Variants in ZNF280C observed in about 807,000 individuals in gnomAD.
ZNF280C encodes the protein zinc finger protein 280C.
ZNF280C carries 14 observed loss-of-function variants against 53.6 expected under a neutral mutation model. The observed-to-expected ratio is 0.26, with a 90% CI of 0.17 to 0.41. The LOEUF (loss-of-function observed/expected upper bound fraction) is 0.41. Among genes scored for constraint, ZNF280C ranks in the 10% least tolerant of loss-of-function variants. ZNF280C has a pLI of 1.00. For synonymous variants in ZNF280C, 203 were observed against 181.1 expected (o/e 1.12, Z -0.97); for missense variants, 416 against 547.1 (o/e 0.76, Z 2.39).
Position 130,239,587 on chromosome X carries a change from C to G in ZNF280C, c.488G>C (p.Arg163Thr). 8.6e-7 allele frequency: 1 copy of G among 1,158,420 alleles called. No individual in the cohort carries two copies. Among genetic ancestry groups the G allele is most frequent in the Non-Finnish European group, 1.2e-6 (1 of 852,585 alleles). Residue 163 changes from arginine to threonine, a missense_variant, in exon 6 of 19, where the codon AGA (arginine) becomes ACA (threonine). Physicochemically the swap from Arg to Thr is moderately conservative, Grantham distance 71. Transcript: ENST00000370978. ...GAAAGAGTGCTAAACCAAACCTTCT[C>G]TAAAAATTGCTGGTATGTCTTGGGA... ...PPSQDIPAIF[R>T]EGMKNTSYVL...
chrX:130,217,648 A>C (rs2032118739), intron 13 of ZNF280C, among the ~76,000 whole-genome samples: 1 of 112,512 alleles, frequency 8.9e-6, no homozygotes, highest in Non-Finnish European at 1.9e-5. Context: ...ACAAAAAGTT[A>C]AAATCATTAT....
chrX:130,239,119 A>C (rs1450387147), intron 6 of ZNF280C, among the ~76,000 whole-genome samples: 1 of 111,831 alleles, frequency 8.9e-6, no homozygotes, highest in African/African-American at 3.2e-5. Flanking sequence ...TCATTTTACA[A>C]TACTACTCTA....
intron 15 of ZNF280C, among the ~76,000 whole-genome samples, 168 bp downstream of exon 15, chrX:130,215,025 G>A (rs1428274518): frequency 8.9e-6 from 1 of 111,872 alleles, no homozygotes; most frequent in African/African-American, 3.2e-5. Context: ...GTAATTTTAT[G>A]AGTTACTATG....
At chrX:130,230,268 A>C (rs760543754) in intron 9 of ZNF280C, among the ~76,000 whole-genome samples, 1 of 111,598 alleles carries the variant, frequency 9.0e-6, no homozygotes, top group South Asian at 3.8e-4. Flanking sequence ...GTTTTCCCCT[A>C]AATTAAAATA....
At chrX:130,244,441 A>G (rs779316785) in intron 3 of ZNF280C, among the ~76,000 whole-genome samples, 5 of 111,566 alleles carry the variant, frequency 4.5e-5, no homozygotes, top group Non-Finnish European at 7.5e-5. Context: ...AACAAATCCC[A>G]TAAAACCTCA....
chrX:130,204,655 G>T lies in ZNF280C; in HGVS notation c.*322C>A. 4.7e-6 allele frequency: 1 copy of T among 211,234 alleles called. No individual in the cohort carries two copies. Among genetic ancestry groups the T allele is most frequent in the Non-Finnish European group, 8.5e-6 (1 of 118,015 alleles). 17.4% of individuals were successfully genotyped at this position (211,234 alleles called of 1,213,427 possible). A position where few individuals can be genotyped will look rare whatever the true frequency, so the allele number is the denominator to read the frequency against. ...AGAAATTAAGAAAGCAGACAAAACA[G>T]ACAGAAAAAGATGAACAGTCATATT... On this transcript the variant is annotated 3_prime_UTR_variant, in exon 19 of 19. Transcript: ENST00000370978.
chrX:130,250,496 T>C (rs2032495865), intron 2 of ZNF280C, among the ~76,000 whole-genome samples: 1 of 112,109 alleles, frequency 8.9e-6, no homozygotes, highest in South Asian at 3.7e-4. Context: ...GACAATATTA[T>C]GAACACCTCT....
intron 12 of ZNF280C, among the ~76,000 whole-genome samples, chrX:130,225,665 T>TG (rs1556306323): frequency 1.2e-5 from 1 of 83,806 alleles, no homozygotes; most frequent in Non-Finnish European, 2.4e-5. Flanking sequence ...CCTACCAGGA[T>TG]AAAAAAAAAA....
chrX:130,258,154 G>T (rs1328823156), intron 2 of ZNF280C, among the ~76,000 whole-genome samples: 1 of 111,362 alleles, frequency 9.0e-6, no homozygotes, highest in Admixed American at 9.6e-5. Context: ...AATAAAAATG[G>T]GAATGTATAT....
At chrX:130,244,736 C>T (rs2032431247) in intron 3 of ZNF280C, among the ~76,000 whole-genome samples, 1 of 101,454 alleles carries the variant, frequency 9.9e-6, no homozygotes, top group Non-Finnish European at 2.0e-5. Context: ...CGAGATCGTG[C>T]CACTGCACTC....
In ZNF280C at chrX:130,204,999, GAAAA is replaced by G; in HGVS notation, c.2199-11_2199-8del. 3.3e-6 allele frequency: 3 copies of G among 910,312 alleles called. No individual in the cohort carries two copies. Among genetic ancestry groups the G allele is most frequent in the Admixed American group, 4.9e-5 (1 of 20,570 alleles). 75.0% of individuals were successfully genotyped at this position (910,312 alleles called of 1,213,427 possible). On this transcript the variant is annotated splice_polypyrimidine_tract_variant and splice_region_variant and intron_variant, in intron 18 of 18. Transcript: ENST00000370978. ...AATCTATTTCAATGAGCAGCTTTAAGAAAAAAAAAAAAAAACTTTAATATTTTTC... is the reference window on the plus strand; with the variant it reads ...AATCTATTTCAATGAGCAGCTTTAAGAAAAAAAAAAACTTTAATATTTTTC...
At chrX:130,254,537 G>A (rs2032545385) in intron 2 of ZNF280C, among the ~76,000 whole-genome samples, 2 of 112,263 alleles carry the variant, frequency 1.8e-5, no homozygotes, top group African/African-American at 6.5e-5. Context: ...ACTGGATGAA[G>A]AAAATGTGGT....
intron 15 of ZNF280C, among the ~76,000 whole-genome samples, chrX:130,210,616 TAA>T (rs2032030220): frequency 1.8e-5 from 2 of 112,136 alleles, no homozygotes; most frequent in South Asian, 7.4e-4. Flanking sequence ...ATGAAACATT[TAA>T]AGAGTCCTTT....
intron 2 of ZNF280C, among the ~76,000 whole-genome samples, chrX:130,248,678 G>T (rs1448786772): frequency 9.0e-6 from 1 of 111,693 alleles, no homozygotes; most frequent in Admixed American, 9.4e-5. Flanking sequence ...ATTCCCTCTT[G>T]CAGTACAGCC....
intron 8 of ZNF280C, among the ~76,000 whole-genome samples, chrX:130,233,562 T>C: frequency 9.7e-6 from 1 of 102,601 alleles, no homozygotes; most frequent in East Asian, 3.0e-4. Context: ...GTTGCGGTTG[T>C]GGTCAGCCGA....
intron 1 of ZNF280C, among the ~76,000 whole-genome samples, chrX:130,266,210 A>G (rs1357179905): frequency 1.8e-5 from 2 of 112,406 alleles, no homozygotes; most frequent in Non-Finnish European, 3.7e-5. Flanking sequence ...TTTAATATTT[A>G]TCTTAATAAA....
At chrX:130,209,264 C>A (rs2032015392) in intron 16 of ZNF280C, among the ~76,000 whole-genome samples, 1 of 111,630 alleles carries the variant, frequency 9.0e-6, no homozygotes, top group Non-Finnish European at 1.9e-5. Flanking sequence ...TGTGGTGTAA[C>A]CAATGGTAAT....
rs7887870 is a variant in ZNF280C at position 130,221,261 on chromosome X, T to G, written c.1396-781A>C. 8.0e-3 allele frequency among the ~76,000 whole-genome samples: 900 copies of G among 111,844 alleles called. 11 individuals are homozygous for G. The highest frequency in any genetic ancestry group is 0.028 in the African/African-American group (849 of 30,846). ...CAGTAAACACAAACAGATTTACCTGTAGGTGCTCAAGAGAGAAGGGGAAAG... is the reference window on the plus strand; with the variant it reads ...CAGTAAACACAAACAGATTTACCTGGAGGTGCTCAAGAGAGAAGGGGAAAG... On this transcript the variant is annotated intron_variant, in intron 12 of 18. Transcript: ENST00000370978.
intron 13 of ZNF280C, among the ~76,000 whole-genome samples, chrX:130,220,085 T>C (rs2032147533): frequency 9.0e-6 from 1 of 111,176 alleles, no homozygotes; most frequent in Admixed American, 9.6e-5. Context: ...ATGGGATATT[T>C]TGATACAAGC....
Sources: allele counts gnomAD v4.1 joint callset (sites outside exome capture counted in the v4.1 genomes callset), GRCh38; gene constraint gnomAD v4.1.1; transcripts MANE v1.5; gene names NCBI Gene and HGNC (gene_info 2026-07-23, HGNC 2026-07-21).